The following NDRG1 variants were observed in gnomAD, a reference collection of about 807,000 sequenced individuals.
The protein encoded by NDRG1 is N-myc downstream regulated 1, also known as protein NDRG1.
NDRG1 carries 32 observed loss-of-function variants against 56.9 expected under a neutral mutation model. The ratio of observed to expected loss-of-function variants is 0.56; its 90% CI spans 0.42 to 0.76. The LOEUF (loss-of-function observed/expected upper bound fraction) is 0.76, where lower values mean the gene tolerates loss of function less well. Among genes scored for constraint, NDRG1 ranks in the 30% least tolerant of loss-of-function variants. The probability of loss-of-function intolerance (pLI) is 0.00; values close to 1 mark genes in which losing one functional copy is unlikely to be tolerated. For synonymous variants in NDRG1, 211 were observed against 204.1 expected (o/e 1.03, Z -0.29); for missense variants, 507 against 545.7 (o/e 0.93, Z 0.71).
At chr8:133,284,555 T>C (rs1857994687) in intron 1 of NDRG1, among the ~76,000 whole-genome samples, 1 of 152,148 alleles carries the variant, frequency 6.6e-6, no homozygotes, top group Non-Finnish European at 1.5e-5. Flanking sequence ...TGGGAGAGGA[T>C]ACTGAGGCTC....
chr8:133,291,763 T>C (rs901190921), intron 1 of NDRG1, among the ~76,000 whole-genome samples: 4 of 152,160 alleles, frequency 2.6e-5, no homozygotes, highest in South Asian at 2.1e-4. Context: ...TCAGTGATGT[T>C]TGATATTCAA....
intron 3 of NDRG1, among the ~76,000 whole-genome samples, chr8:133,278,912 C>CA (rs1857612636): frequency 7.5e-6 from 1 of 132,996 alleles, no homozygotes; most frequent in African/African-American, 2.9e-5. Flanking sequence ...TTTTTTGAGA[C>CA]AGAGTTTCAC....
chr8:133,279,958 C>T (rs751737510), intron 3 of NDRG1, among the ~76,000 whole-genome samples: 62 of 152,178 alleles, frequency 4.1e-4, no homozygotes, highest in African/African-American at 1.3e-3. Context: ...TCCCCACACA[C>T]GCCCCACCGT....
chr8:133,244,684 C>A, intron 13 of NDRG1: 1 of 539,078 alleles, frequency 1.9e-6, no homozygotes, highest in Admixed American at 3.1e-5. Context: ...ACAGCTGTCC[C>A]ATTTTACAGG....
intron 10 of NDRG1, 125 bp from the exon 11 acceptor site, chr8:133,248,896 T>C: frequency 1.0e-6 from 1 of 1,003,534 alleles, no homozygotes; most frequent in East Asian, 2.5e-5. Flanking sequence ...CATCCCCAAC[T>C]TGAGAGAGGC....
chr8:133,262,649 G>A (rs1856716667), intron 4 of NDRG1, among the ~76,000 whole-genome samples: 1 of 152,192 alleles, frequency 6.6e-6, no homozygotes, highest in Admixed American at 6.5e-5. Context: ...TCTCCTCACT[G>A]CTGAAGCCTA....
intron 11 of NDRG1, 39 bp from the exon 12 acceptor site, chr8:133,247,965 C>T (rs757928394): frequency 1.1e-5 from 18 of 1,606,610 alleles, no homozygotes; most frequent in Non-Finnish European, 1.4e-5. Context: ...GCACAAGGTT[C>T]CTTTAAAGAT....
At position 133,238,132 on chromosome 8, in the gene NDRG1, C is replaced by A; in HGVS notation, c.*746G>T. On this transcript the variant is annotated 3_prime_UTR_variant, in exon 16 of 16. Coordinates refer to ENST00000323851, the MANE Select transcript of NDRG1 (RefSeq NM_006096.4). Reference sequence around the variant, plus strand: ...AAGCAGAACTAAAGCCTTCAAAAACCATGATGCCCAACGTTTGCTGAAATA... The same window carrying A: ...AAGCAGAACTAAAGCCTTCAAAAACAATGATGCCCAACGTTTGCTGAAATA... 4.3e-6 allele frequency: 1 copy of A among 233,170 alleles called. No individual in the cohort carries two copies. Among genetic ancestry groups the A allele is most frequent in the East Asian group, 6.0e-5 (1 of 16,576 alleles). The allele number at this position is 233,170 out of a possible 1,614,324, so 14.4% of individuals were successfully genotyped here. A position where few individuals can be genotyped will look rare whatever the true frequency, so the allele number is the denominator to read the frequency against.
rs10113567 is a variant in NDRG1, at chr8:133,258,214, G to A, written c.450+152C>T. The A allele has an allele frequency of 0.12, 91,644 of 736,542 alleles. 6,800 individuals carry two copies. Among genetic ancestry groups the A allele is most frequent in the African/African-American group, 0.25 (14,203 of 56,080 alleles). 45.6% of individuals were successfully genotyped at this position (736,542 alleles called of 1,614,324 possible). Reference sequence around the variant, plus strand: ...AGGCTGTGAGTATATATATATACGAGTACCCATGCACCACACACACACACA... The same window carrying A: ...AGGCTGTGAGTATATATATATACGAATACCCATGCACCACACACACACACA... On this transcript the variant is annotated intron_variant, in intron 7 of 15. Transcript: ENST00000323851.
At chr8:133,243,444 C>A (rs1022209730) in intron 14 of NDRG1, among the ~76,000 whole-genome samples, 2 of 152,228 alleles carry the variant, frequency 1.3e-5, no homozygotes, top group East Asian at 3.8e-4. Context: ...AATGCTTGCT[C>A]TTCCCACCTC....
chr8:133,245,692 G>A (rs1461231234), intron 13 of NDRG1, among the ~76,000 whole-genome samples: 1 of 152,120 alleles, frequency 6.6e-6, no homozygotes, highest in African/African-American at 2.4e-5. Flanking sequence ...TTAGCTTCCA[G>A]AACTAAAAGG....
intron 6 of NDRG1, chr8:133,258,895 GGAA>G: frequency 1.8e-6 from 1 of 555,054 alleles, no homozygotes; most frequent in Non-Finnish European, 3.2e-6. Context: ...AGAAGGGAAT[GGAA>G]GAACAGGAGG....
intron 1 of NDRG1, among the ~76,000 whole-genome samples, chr8:133,292,009 C>T (rs533516493): frequency 2.6e-5 from 4 of 152,126 alleles, no homozygotes; most frequent in African/African-American, 9.7e-5. Flanking sequence ...GCAATACAAC[C>T]GAGATCTTCC....
intron 3 of NDRG1, among the ~76,000 whole-genome samples, chr8:133,271,152 G>C (rs1857166303): frequency 1.3e-5 from 2 of 152,134 alleles, no homozygotes; most frequent in African/African-American, 4.8e-5. Context: ...GCAGGCCCTG[G>C]GCAGATGCCG....
chr8:133,294,799 G>A (rs1397990612), intron 1 of NDRG1, among the ~76,000 whole-genome samples: 2 of 152,030 alleles, frequency 1.3e-5, no homozygotes, highest in Non-Finnish European at 2.9e-5. Flanking sequence ...AAATCATTCC[G>A]CTCTGCCCCT....
intron 1 of NDRG1, among the ~76,000 whole-genome samples, chr8:133,293,549 T>C (rs1858551460): frequency 6.6e-6 from 1 of 152,180 alleles, no homozygotes; most frequent in Non-Finnish European, 1.5e-5. Flanking sequence ...ATGTGATGCA[T>C]TGAACCTCCA....
chr8:133,280,882 C>A (rs1251491530), intron 2 of NDRG1: 1 of 153,006 alleles, frequency 6.5e-6, no homozygotes, highest in African/African-American at 2.4e-5. Flanking sequence ...TGATATCTGA[C>A]TATTAACTGG....
chr8:133,241,732 G>T, intron 15 of NDRG1: 1 of 529,810 alleles, frequency 1.9e-6, no homozygotes, highest in African/African-American at 1.9e-5. Context: ...TTGTTTCACT[G>T]TTGGTCATTG....
intron 3 of NDRG1, among the ~76,000 whole-genome samples, chr8:133,279,043 C>T (rs1489328758): frequency 6.6e-6 from 1 of 152,182 alleles, no homozygotes; most frequent in Admixed American, 6.5e-5. Context: ...GTGCTTACCA[C>T]CATGCCTGGC....
Sources: allele counts gnomAD v4.1 joint callset (sites outside exome capture counted in the v4.1 genomes callset), GRCh38; gene constraint gnomAD v4.1.1; transcripts MANE v1.5; gene names NCBI Gene and HGNC (gene_info 2026-07-23, HGNC 2026-07-21).